The following TLR4 variants were observed in gnomAD, a reference collection of about 807,000 sequenced individuals.
The protein encoded by TLR4 is toll-like receptor 4.
TLR4 carries 17 observed loss-of-function variants against 27.4 expected under a neutral mutation model. The observed-to-expected ratio is 0.62, with a 90% CI of 0.42 to 0.93. The LOEUF (loss-of-function observed/expected upper bound fraction) is 0.93. Among genes scored for constraint, TLR4 ranks in the 40% least tolerant of loss-of-function variants. The pLI, the probability that TLR4 is intolerant of heterozygous loss-of-function variation, is 0.00. For synonymous variants in TLR4, 363 were observed against 365.7 expected (o/e 0.99, Z 0.08); for missense variants, 926 against 962.3 (o/e 0.96, Z 0.50).
At position 117,714,038 on chromosome 9, in the gene TLR4, C is replaced by T. The variant is rs545307676; in HGVS notation, c.1910C>T (p.Ser637Leu). The change falls in exon 3 of 3, where the codon TCG becomes TTG. Residue 637 changes from serine to leucine, a missense_variant. Coordinates refer to ENST00000355622, the MANE Select transcript of TLR4 (RefSeq NM_138554.5). ...CQMNKTIIGVSVLSVLVVSVV... is the reference protein window; with the variant it reads ...CQMNKTIIGVLVLSVLVVSVV... ...ATGAATAAGACCATCATTGGTGTGT[C>T]GGTCCTCAGTGTGCTTGTAGTATCT... is the stretch of plus-strand genomic sequence containing the variant. 1.1e-5 allele frequency: 17 copies of T among 1,613,854 alleles called. No individual in the cohort carries two copies. The Middle Eastern group carries it at 5.0e-4, about 47-fold the overall frequency.
chr9:117,712,292 C>T, intron 2 of TLR4, 97 bp from the exon 3 acceptor site: 1 of 1,215,072 alleles, frequency 8.2e-7, no homozygotes, highest in Non-Finnish European at 1.2e-6. Flanking sequence ...TGACCCATCA[C>T]ATCTGTATGA....
chr9:117,714,471 G>T lies in TLR4; in HGVS notation c.2343G>T (p.Gln781His). ...LQKVEKTLLR[Q>H]QVELYRLLSR... ...AGGTGGAGAAGACCCTGCTCAGGCA[G>T]CAGGTGGAGCTGTACCGCCTTCTCA... The change falls in exon 3 of 3, where the codon CAG (glutamine) becomes CAT (histidine). Residue 781 changes from glutamine to histidine, a missense_variant. Coordinates refer to ENST00000355622, the MANE Select transcript of TLR4 (RefSeq NM_138554.5). 1 of 1,613,842 alleles carries T rather than the reference G, an allele frequency of 6.2e-7. No homozygotes were observed. Among genetic ancestry groups the T allele is most frequent in the Non-Finnish European group, 8.5e-7 (1 of 1,180,010 alleles).
At position 117,718,405 on chromosome 9, in the gene TLR4, A is replaced by G. The variant is rs1050289462; in HGVS notation, c.*3757A>G. The G allele has an allele frequency of 6.6e-6, 1 of 152,150 alleles. No individual in the cohort carries two copies. Among genetic ancestry groups the G allele is most frequent in the African/African-American group, 2.4e-5 (1 of 41,436 alleles). 9.4% of individuals were successfully genotyped at this position (152,150 alleles called of 1,614,324 possible). A position where few individuals can be genotyped will look rare whatever the true frequency, so the allele number is the denominator to read the frequency against. On this transcript the variant is annotated 3_prime_UTR_variant, in exon 3 of 3. Transcript: ENST00000355622. Reference sequence around the variant, plus strand: ...TACCAAATGATTTATTTATAACCCTATCTTTCCATAAAGGACTTGAAGGAG... The same window carrying G: ...TACCAAATGATTTATTTATAACCCTGTCTTTCCATAAAGGACTTGAAGGAG...
Position 117,718,752 on chromosome 9 carries a change from G to A in TLR4, c.*4104G>A, listed in dbSNP as rs1829388774. The A allele has an allele frequency of 6.6e-6, 1 of 152,176 alleles. No homozygotes were observed. Among genetic ancestry groups the A allele is most frequent in the African/African-American group, 2.4e-5 (1 of 41,444 alleles). The allele number at this position is 152,176 out of a possible 1,614,324, so 9.4% of individuals were successfully genotyped here. On this transcript the variant is annotated 3_prime_UTR_variant, in exon 3 of 3. Transcript: ENST00000355622. ...CAATACGGGGACACTGTCCTTATGG[G>A]TGAGTACTCCCCTAAGACTTTATTA...
rs1829406095 is a variant in TLR4, at chr9:117,720,107, A to T, written c.*5459A>T. 1.3e-5 allele frequency: 2 copies of T among 152,124 alleles called. No homozygotes were observed. Among genetic ancestry groups the T allele is most frequent in the African/African-American group, 4.8e-5 (2 of 41,416 alleles). The allele number at this position is 152,124 out of a possible 1,614,324, so 9.4% of individuals were successfully genotyped here. A position where few individuals can be genotyped will look rare whatever the true frequency, so the allele number is the denominator to read the frequency against. The stretch of plus-strand genomic sequence containing the variant: ...TTGTATATTATTTCATTTAATTGTT[A>T]AAATGACCTTCTGATGCAGGTATTT... On this transcript the variant is annotated 3_prime_UTR_variant, in exon 3 of 3. Coordinates refer to ENST00000355622, the MANE Select transcript of TLR4 (RefSeq NM_138554.5).
rs949409559 is a variant in TLR4, at chr9:117,718,969, A to G, written c.*4321A>G. 3.9e-5 allele frequency: 6 copies of G among 152,200 alleles called. No homozygotes were observed. Among genetic ancestry groups the G allele is most frequent in the African/African-American group, 1.4e-4 (6 of 41,456 alleles). The allele number at this position is 152,200 out of a possible 1,614,324, so 9.4% of individuals were successfully genotyped here. On this transcript the variant is annotated 3_prime_UTR_variant, in exon 3 of 3. Transcript: ENST00000355622. ...CTCTATAAACTTTTTAGAAATCATC[A>G]GCAGGCTCCTGGAGAAGCTTAAATG... is the stretch of plus-strand genomic sequence containing the variant.
intron 1 of TLR4, 75 bp downstream of exon 1, chr9:117,704,640 GT>G: frequency 8.7e-7 from 1 of 1,149,364 alleles, no homozygotes; most frequent in Non-Finnish European, 1.2e-6. Flanking sequence ...GCCCTGGTTT[GT>G]TTATTTTTGC....
chr9:117,712,949 A>G lies in TLR4; in HGVS notation c.821A>G (p.Lys274Arg), dbSNP rs142144857. The change falls in exon 3 of 3, where the codon AAA becomes AGA. Residue 274 changes from lysine to arginine, a missense_variant. Physicochemically the swap from Lys to Arg is conservative, Grantham distance 26 (BLOSUM62 2). Coordinates refer to ENST00000355622, the MANE Select transcript of TLR4 (RefSeq NM_138554.5). The part of the protein sequence containing the change: ...RNEGNLEKFD[K>R]SALEGLCNLT... ...GAAGGAAACTTGGAAAAGTTTGACA[A>G]ATCTGCTCTAGAGGGCCTGTGCAAT... 4.3e-6 allele frequency: 7 copies of G among 1,614,002 alleles called. No individual in the cohort carries two copies. The highest frequency in any genetic ancestry group is 1.3e-5 in the African/African-American group (1 of 74,938).
chr9:117,714,459 C>T lies in TLR4; in HGVS notation c.2331C>T (p.Thr777=), dbSNP rs957359839. ...IFIVLQKVEK[T]LLRQQVELYR... is the part of the protein sequence containing the mutation. Reference sequence around the variant, plus strand: ...TTGTCCTGCAGAAGGTGGAGAAGACCCTGCTCAGGCAGCAGGTGGAGCTGT... The same window carrying T: ...TTGTCCTGCAGAAGGTGGAGAAGACTCTGCTCAGGCAGCAGGTGGAGCTGT... The change falls in exon 3 of 3, where the codon ACC becomes ACT. Residue 777 remains threonine, a synonymous_variant. Coordinates refer to ENST00000355622, the MANE Select transcript of TLR4 (RefSeq NM_138554.5). 1.2e-6 allele frequency: 2 copies of T among 1,613,642 alleles called. No homozygotes were observed. Among genetic ancestry groups the T allele is most frequent in the African/African-American group, 2.7e-5 (2 of 74,876 alleles).
chr9:117,714,913 C>A lies in TLR4; in HGVS notation c.*265C>A. 1.9e-6 allele frequency: 1 copy of A among 516,254 alleles called. No homozygotes were observed. Among genetic ancestry groups the A allele is most frequent in the South Asian group, 2.2e-5 (1 of 44,954 alleles). 32.0% of individuals were successfully genotyped at this position (516,254 alleles called of 1,614,324 possible). ...CATGACAAAGAAAGTCATTTCAACT[C>A]TTACCTCATCAAGTTGAATAAAGAC... On this transcript the variant is annotated 3_prime_UTR_variant, in exon 3 of 3. Transcript: ENST00000355622.
chr9:117,704,669 A>C, intron 1 of TLR4, 104 bp downstream of exon 1: 1 of 959,814 alleles, frequency 1.0e-6, no homozygotes, highest in Non-Finnish European at 1.6e-6. Flanking sequence ...AAAAAGAGTT[A>C]AATTACCTTA....
intron 2 of TLR4, 72 bp from the exon 3 acceptor site, chr9:117,712,317 A>G (rs1306463686): frequency 7.0e-7 from 1 of 1,419,060 alleles, no homozygotes; most frequent in Non-Finnish European, 9.8e-7. Context: ...CTGGATGACT[A>G]GGATTAATAT....
chr9:117,723,477 A>G lies in TLR4; in HGVS notation c.*8829A>G, dbSNP rs1829444786. On this transcript the variant is annotated 3_prime_UTR_variant, in exon 3 of 3. Coordinates refer to ENST00000355622, the MANE Select transcript of TLR4 (RefSeq NM_138554.5). ...TCTCTTTGCTCTTTGGTCTCTGTTT[A>G]TCTATGAGATAACGTTATTTTTACG... The G allele has an allele frequency of 6.6e-6, 1 of 152,170 alleles. No individual in the cohort carries two copies. The highest frequency in any genetic ancestry group is 2.1e-4 in the South Asian group (1 of 4,830). 9.4% of individuals were successfully genotyped at this position (152,170 alleles called of 1,614,324 possible).
chr9:117,707,416 T>C (rs1053170631), intron 1 of TLR4, among the ~76,000 whole-genome samples: 8 of 152,224 alleles, frequency 5.3e-5, no homozygotes, highest in African/African-American at 1.9e-4. Flanking sequence ...TAGATGATAA[T>C]AATTAATGTT....
At position 117,720,141 on chromosome 9, in the gene TLR4, G is replaced by C. The variant is rs1829406331; in HGVS notation, c.*5493G>C. The C allele has an allele frequency of 6.6e-6, 1 of 151,978 alleles. No individual in the cohort carries two copies. The allele number at this position is 151,978 out of a possible 1,614,324, so 9.4% of individuals were successfully genotyped here. A position where few individuals can be genotyped will look rare whatever the true frequency, so the allele number is the denominator to read the frequency against. On this transcript the variant is annotated 3_prime_UTR_variant, in exon 3 of 3. Coordinates refer to ENST00000355622, the MANE Select transcript of TLR4 (RefSeq NM_138554.5). ...TTCTGATGCAGGTATTTGTAGCTTT[G>C]CCATTCCACAGATGAAGAAACAGAT...
rs200829864 is a variant in TLR4 at position 117,704,494 on chromosome 9, G to A, written c.22G>A (p.Ala8Thr). 5.0e-6 allele frequency: 8 copies of A among 1,613,554 alleles called. No homozygotes were observed. Among genetic ancestry groups the A allele is most frequent in the Non-Finnish European group, 5.9e-6 (7 of 1,179,940 alleles). ...CAGGATGATGTCTGCCTCGCGCCTG[G>A]CTGGGACTCTGATCCCAGCCATGGC... MMSASRL[A>T]GTLIPAMAFL... The change falls in exon 1 of 3, where the codon GCT (alanine) becomes ACT (threonine). Residue 8 changes from alanine (A) to threonine (T), a missense_variant. Ala to Thr is a moderately conservative substitution (Grantham distance 58). Coordinates refer to ENST00000355622, the MANE Select transcript of TLR4 (RefSeq NM_138554.5).
intron 2 of TLR4, among the ~76,000 whole-genome samples, chr9:117,709,986 T>C (rs904008939): frequency 7.9e-5 from 12 of 152,058 alleles, no homozygotes; most frequent in Non-Finnish European, 1.3e-4. Context: ...AATGTGATAA[T>C]AAATATTAAT....
Position 117,713,856 on chromosome 9 carries a change from TACTC to T in TLR4, c.1730_1733del (p.Thr577ArgfsTer44). ...CAAGTAGTCTAGCTTTCTTAAATCT[TACTC>T]AGAATGACTTTGCTTGTACTTGTGA... On this transcript the variant is annotated frameshift_variant, in exon 3 of 3. Coordinates refer to ENST00000355622, the MANE Select transcript of TLR4 (RefSeq NM_138554.5). LOFTEE classifies it high-confidence loss of function. 1 of 1,614,056 alleles carries T rather than the reference TACTC, an allele frequency of 6.2e-7. No homozygotes were observed. Among genetic ancestry groups the T allele is most frequent in the Non-Finnish European group, 8.5e-7 (1 of 1,179,998 alleles).
chr9:117,714,027 C>T lies in TLR4; in HGVS notation c.1899C>T (p.Ile633=). 6.2e-7 allele frequency: 1 copy of T among 1,613,904 alleles called. No individual in the cohort carries two copies. ...LNITCQMNKT[I]IGVSVLSVLV... ...TCACCTGTCAGATGAATAAGACCAT[C>T]ATTGGTGTGTCGGTCCTCAGTGTGC... The change falls in exon 3 of 3, where the codon ATC becomes ATT. Residue 633 remains isoleucine (I), a synonymous_variant. Transcript: ENST00000355622.
Sources: gnomAD v4.1 joint callset for allele counts (sites outside exome capture counted in the v4.1 genomes callset) on GRCh38, gnomAD v4.1.1 for gene constraint, MANE v1.5 for transcripts, NCBI Gene and HGNC (gene_info 2026-07-23, HGNC 2026-07-21) for gene names.